The following IQSEC1 variants were observed in gnomAD, a reference collection of about 807,000 sequenced individuals.
IQSEC1 encodes IQ motif and SEC7 domain-containing protein 1.
A neutral mutation model predicts 91.0 loss-of-function variants in IQSEC1; 31 were observed. That is an observed-to-expected ratio of 0.34 (90% CI 0.26 to 0.46). IQSEC1 has a LOEUF of 0.46. IQSEC1 is among the 20% of genes least tolerant of loss of function. IQSEC1 has a pLI of 1.00. For synonymous variants in IQSEC1, 699 were observed against 662.6 expected, an observed-to-expected ratio of 1.05 and a Z score of -0.84; for missense variants, 1,388 against 1,575.6, an observed-to-expected ratio of 0.88 and a Z score of 2.02.
intron 2 of IQSEC1, among the ~76,000 whole-genome samples, chr3:13,132,186 G>A (rs1165390712): frequency 6.6e-6 from 1 of 152,156 alleles, no homozygotes; most frequent in African/African-American, 2.4e-5. Flanking sequence ...GATCCTTAGC[G>A]GCTTGTTTTT....
intron 1 of IQSEC1, among the ~76,000 whole-genome samples, chr3:13,164,778 T>G (rs911039296): frequency 6.6e-6 from 1 of 152,220 alleles, no homozygotes; most frequent in Non-Finnish European, 1.5e-5. Context: ...ACTTTGGGAT[T>G]AAACTCCATG....
intron 2 of IQSEC1, among the ~76,000 whole-genome samples, chr3:13,135,984 G>A (rs977177907): frequency 6.6e-5 from 10 of 152,212 alleles, no homozygotes; most frequent in African/African-American, 9.6e-5. Flanking sequence ...ACTCTGCTGC[G>A]TGGGACAGTG....
chr3:12,977,775 T>C (rs1000445239), intron 1 of IQSEC1, among the ~76,000 whole-genome samples: 3 of 152,244 alleles, frequency 2.0e-5, no homozygotes. Context: ...GTCTCCTAAG[T>C]GAGTTAAACA....
chr3:13,064,249 C>T (rs891317110), intron 1 of IQSEC1, among the ~76,000 whole-genome samples: 6 of 152,132 alleles, frequency 3.9e-5, no homozygotes, highest in East Asian at 1.9e-4. Flanking sequence ...AGTCAAAATA[C>T]ACAATAGCTC....
chr3:13,157,477 C>T (rs115369226), intron 2 of IQSEC1, among the ~76,000 whole-genome samples: 1,794 of 152,204 alleles, frequency 0.012, 36 homozygotes, highest in African/African-American at 0.04. Context: ...CTCAGGGACC[C>T]ACAATTCATA....
At chr3:12,904,485 A>G (rs778371373) in intron 12 of IQSEC1, among the ~76,000 whole-genome samples, 1 of 152,176 alleles carries the variant, frequency 6.6e-6, no homozygotes, top group Non-Finnish European at 1.5e-5. Flanking sequence ...CTTATTTTTC[A>G]GCCAGTGTGG....
At chr3:13,263,954 C>T (rs1346951485) in intron 1 of IQSEC1, among the ~76,000 whole-genome samples, 2 of 152,250 alleles carry the variant, frequency 1.3e-5, no homozygotes, top group Non-Finnish European at 2.9e-5. Flanking sequence ...TCTGGATTTG[C>T]GTCCTTGTCC....
intron 1 of IQSEC1, among the ~76,000 whole-genome samples, chr3:13,252,110 A>G (rs777709164): frequency 8.5e-5 from 13 of 152,190 alleles, no homozygotes; most frequent in Admixed American, 4.6e-4. Flanking sequence ...GTACATTCAT[A>G]GTGCTGTGCA....
At chr3:13,274,194 C>T (rs934974542) in intron 1 of IQSEC1, among the ~76,000 whole-genome samples, 2 of 152,220 alleles carry the variant, frequency 1.3e-5, no homozygotes, top group Non-Finnish European at 2.9e-5. Context: ...ACAAACATGC[C>T]TGCCCCCGGA....
intron 2 of IQSEC1, among the ~76,000 whole-genome samples, chr3:13,123,562 C>A (rs1413750306): frequency 6.6e-6 from 1 of 152,210 alleles, no homozygotes; most frequent in Non-Finnish European, 1.5e-5. Flanking sequence ...GCCAGCATTG[C>A]CCCTGGAAAT....
Position 12,900,067 on chromosome 3 carries a change from C to T in IQSEC1, c.*916G>A. On this transcript the variant is annotated 3_prime_UTR_variant, in exon 14 of 14. Transcript: ENST00000613206. ...GACAACCAGCTTGTAACCAGCTGTC[C>T]TGAGTTGCTACTGTAGAGTGTACTG... 1 of 985,240 alleles carries T rather than the reference C, an allele frequency of 1.0e-6. No individual in the cohort carries two copies. The highest frequency in any genetic ancestry group is 1.2e-6 in the Non-Finnish European group (1 of 829,834). 61.0% of individuals were successfully genotyped at this position (985,240 alleles called of 1,614,324 possible). A position where few individuals can be genotyped will look rare whatever the true frequency, so the allele number is the denominator to read the frequency against.
At chr3:12,972,235 T>C (rs1700940949) in intron 1 of IQSEC1, among the ~76,000 whole-genome samples, 1 of 150,818 alleles carries the variant, frequency 6.6e-6, no homozygotes. Flanking sequence ...CACCCGAGTG[T>C]AGGAAGGTCA....
At chr3:13,036,927 T>A (rs568703289) in intron 1 of IQSEC1, among the ~76,000 whole-genome samples, 3 of 152,020 alleles carry the variant, frequency 2.0e-5, no homozygotes, top group Non-Finnish European at 4.4e-5. Flanking sequence ...GAAGGTGAGG[T>A]TGCAAAGTCA....
At chr3:13,262,102 T>A (rs116741300) in intron 1 of IQSEC1, among the ~76,000 whole-genome samples, 2 of 152,112 alleles carry the variant, frequency 1.3e-5, no homozygotes, top group African/African-American at 4.8e-5. Flanking sequence ...AGCTCCCTGG[T>A]GTGCTGGATG....
chr3:12,964,229 A>G (rs1464024096), intron 1 of IQSEC1, among the ~76,000 whole-genome samples: 1 of 152,180 alleles, frequency 6.6e-6, no homozygotes, highest in Non-Finnish European at 1.5e-5. Flanking sequence ...AATGGCCTCT[A>G]AACTCATTAC....
At chr3:12,952,354 G>A (rs1201524037) in intron 1 of IQSEC1, among the ~76,000 whole-genome samples, 3 of 152,244 alleles carry the variant, frequency 2.0e-5, no homozygotes, top group South Asian at 2.1e-4. Flanking sequence ...CTCACTGAGC[G>A]TCACTCTTGG....
At chr3:12,997,834 C>T (rs567984293) in intron 1 of IQSEC1, among the ~76,000 whole-genome samples, 8 of 152,188 alleles carry the variant, frequency 5.3e-5, no homozygotes, top group Admixed American at 2.0e-4. Context: ...AGAAAAGGTA[C>T]GGTAAAAATA....
chr3:13,255,807 T>C (rs1002071614), intron 1 of IQSEC1, among the ~76,000 whole-genome samples: 9 of 152,222 alleles, frequency 5.9e-5, no homozygotes, highest in African/African-American at 2.2e-4. Context: ...AGTGTTTCAA[T>C]GACTGATTTG....
chr3:13,279,915 T>A (rs1695757345), intron 1 of IQSEC1, among the ~76,000 whole-genome samples: 1 of 152,200 alleles, frequency 6.6e-6, no homozygotes, highest in Admixed American at 6.5e-5. Context: ...TCCCTCTCCA[T>A]GCCTCCTGCC....
Sources: allele counts gnomAD v4.1 joint callset (sites outside exome capture counted in the v4.1 genomes callset), GRCh38; gene constraint gnomAD v4.1.1; transcripts MANE v1.5; gene names NCBI Gene and HGNC (gene_info 2026-07-23, HGNC 2026-07-21).